RSPRY1: variants seen among roughly 807,000 people sequenced by gnomAD.
The protein encoded by RSPRY1 is RING finger and SPRY domain-containing protein 1.
Under a neutral mutation model 73.1 loss-of-function variants are expected in RSPRY1, and 23 were observed. The ratio of observed to expected loss-of-function variants is 0.31; its 90% CI spans 0.23 to 0.45. The LOEUF is 0.45. RSPRY1 is among the 20% of genes least tolerant of loss of function. The pLI, the probability that RSPRY1 is intolerant of heterozygous loss-of-function variation, is 1.00. For synonymous variants in RSPRY1, 226 were observed against 251.4 expected (o/e 0.90, Z 0.95); for missense variants, 448 against 698.7 (o/e 0.64, Z 4.05).
At chr16:57,201,087 G>A (rs1333681055) in intron 1 of RSPRY1, among the ~76,000 whole-genome samples, 2 of 152,050 alleles carry the variant, frequency 1.3e-5, no homozygotes, top group Non-Finnish European at 2.9e-5. Context: ...CAGACGGGGT[G>A]GCTGCCGGGC....
chr16:57,229,539 A>G (rs1251129611), intron 11 of RSPRY1, among the ~76,000 whole-genome samples: 1 of 151,920 alleles, frequency 6.6e-6, no homozygotes, highest in Non-Finnish European at 1.5e-5. Context: ...GGATCACTTG[A>G]GCCCAGGAGT....
rs778045152 is a variant in RSPRY1 at position 57,235,125 on chromosome 16, C to G, written c.1531C>G (p.His511Asp). The change falls in exon 14 of 15, where the codon CAC (histidine) becomes GAC (aspartate). Residue 511 changes from histidine to aspartate, a missense_variant and splice_region_variant. Coordinates refer to ENST00000394420, the MANE Select transcript of RSPRY1 (RefSeq NM_133368.3). ...TAEEKIILPR[H>D]RRLALLKQVS... ...TTTCAAATTGCTTTTTCTACTCAGG[C>G]ACAGGCGTCTTGCTCTGTTGAAGCA... 1 of 1,612,912 alleles carries G rather than the reference C, an allele frequency of 6.2e-7. No individual in the cohort carries two copies. Among genetic ancestry groups the G allele is most frequent in the Non-Finnish European group, 8.5e-7 (1 of 1,178,964 alleles).
chr16:57,196,042 T>A (rs1340881796), intron 1 of RSPRY1, among the ~76,000 whole-genome samples: 3 of 146,074 alleles, frequency 2.1e-5, no homozygotes, highest in African/African-American at 7.6e-5. Flanking sequence ...AAAATATATA[T>A]ATATATATAT....
intron 11 of RSPRY1, among the ~76,000 whole-genome samples, chr16:57,230,005 C>CTTTTTT (rs544045998): frequency 1.8e-4 from 8 of 44,946 alleles, no homozygotes; most frequent in Non-Finnish European, 2.9e-4. Flanking sequence ...ACGCCCTGCC[C>CTTTTTT]TTTTTTTTTT....
chr16:57,212,547 A>G (rs182964210), intron 4 of RSPRY1, among the ~76,000 whole-genome samples: 21 of 152,244 alleles, frequency 1.4e-4, no homozygotes, highest in African/African-American at 4.3e-4. Flanking sequence ...TTTCCCATCA[A>G]TGATATCATT....
intron 2 of RSPRY1, chr16:57,205,261 T>G (rs573523128): frequency 4.4e-6 from 2 of 458,420 alleles, no homozygotes; most frequent in East Asian, 7.9e-5. Flanking sequence ...GCTATGATCT[T>G]TATTAGAGAA....
At chr16:57,223,072 G>A (rs1302478496) in intron 10 of RSPRY1, among the ~76,000 whole-genome samples, 1 of 152,182 alleles carries the variant, frequency 6.6e-6, no homozygotes, top group East Asian at 1.9e-4. Flanking sequence ...CAAGCATTAG[G>A]TGATTCCCTA....
intron 14 of RSPRY1, 120 bp from the exon 15 acceptor site, chr16:57,238,759 G>C (rs1488129685): frequency 3.7e-6 from 2 of 543,010 alleles, no homozygotes; most frequent in South Asian, 2.9e-5. Context: ...TTTAAACCAT[G>C]TATAATTAGT....
In RSPRY1 at chr16:57,204,798, GAGATGACAGTGGAAC is replaced by G; in HGVS notation, c.152_166del (p.Gly51_Ser55del). The G allele has an allele frequency of 1.2e-6, 2 of 1,614,156 alleles. No homozygotes were observed. The highest frequency in any genetic ancestry group is 4.5e-5 in the East Asian group (2 of 44,884). ...ACCATGGGTAATTCCTGTATCTGCC[GAGATGACAGTGGAAC>G]AGATGACAGTGTTGACACCCAACAG... On this transcript the variant is annotated inframe_deletion, in exon 2 of 15. Transcript: ENST00000394420.
At chr16:57,211,342 G>A (rs2074841077) in intron 4 of RSPRY1, among the ~76,000 whole-genome samples, 1 of 151,968 alleles carries the variant, frequency 6.6e-6, no homozygotes, top group African/African-American at 2.4e-5. Flanking sequence ...GGCCAAGGCA[G>A]ACAGATCACT....
At chr16:57,218,720 CTTTTTTTTTTTTTTTTTTTT>C (rs869295634) in intron 8 of RSPRY1, among the ~76,000 whole-genome samples, 5 of 41,122 alleles carry the variant, frequency 1.2e-4, no homozygotes, top group Non-Finnish European at 2.0e-4. Flanking sequence ...GCCACATTTT[CTTTTTTTTTTTTTTTTTTTT>C]TTTTTTTTTT....
chr16:57,222,869 T>G (rs2075061186), intron 10 of RSPRY1, among the ~76,000 whole-genome samples: 1 of 152,224 alleles, frequency 6.6e-6, no homozygotes, highest in Non-Finnish European at 1.5e-5. Flanking sequence ...GGTCTGGCAC[T>G]GAATGTTACA....
intron 10 of RSPRY1, among the ~76,000 whole-genome samples, chr16:57,222,000 A>T (rs555384081): frequency 1.2e-4 from 18 of 152,330 alleles, no homozygotes; most frequent in Non-Finnish European, 2.1e-4. Flanking sequence ...TTGCCACTTT[A>T]TACCCTTCTA....
chr16:57,217,306 T>A (rs559636612), intron 8 of RSPRY1, among the ~76,000 whole-genome samples: 1 of 152,376 alleles, frequency 6.6e-6, no homozygotes, highest in African/African-American at 2.4e-5. Context: ...TATATGGCAC[T>A]GTCTAACCAG....
chr16:57,232,324 G>A (rs1192751026), intron 13 of RSPRY1, among the ~76,000 whole-genome samples: 3 of 152,296 alleles, frequency 2.0e-5, no homozygotes, highest in Admixed American at 6.5e-5. Context: ...AAAATGGGAC[G>A]ATGATGGTAG....
At chr16:57,236,200 T>C (rs1346443177) in intron 14 of RSPRY1, among the ~76,000 whole-genome samples, 1 of 152,234 alleles carries the variant, frequency 6.6e-6, no homozygotes, top group East Asian at 1.9e-4. Context: ...CTTTTTGATC[T>C]TTGTTTCTGT....
intron 3 of RSPRY1, 24 bp from the exon 4 acceptor site, chr16:57,209,051 A>G (rs2074784551): frequency 2.7e-6 from 4 of 1,458,156 alleles, no homozygotes; most frequent in Non-Finnish European, 3.8e-6. Flanking sequence ...ACTCCATCAT[A>G]TAATCTTCTT....
chr16:57,194,760 A>G (rs2074410167), intron 1 of RSPRY1, among the ~76,000 whole-genome samples: 1 of 152,204 alleles, frequency 6.6e-6, no homozygotes, highest in Non-Finnish European at 1.5e-5. Context: ...GTTCTTTCTC[A>G]CTGATCTGTA....
intron 8 of RSPRY1, chr16:57,220,278 C>A (rs1010147062): frequency 1.2e-4 from 18 of 155,154 alleles, no homozygotes; most frequent in African/African-American, 4.3e-4. Flanking sequence ...ATTGAGTCTT[C>A]CAATCCATGA....
Sources: gnomAD v4.1 joint callset for allele counts (sites outside exome capture counted in the v4.1 genomes callset) on GRCh38, gnomAD v4.1.1 for gene constraint, MANE v1.5 for transcripts, NCBI Gene and HGNC (gene_info 2026-07-23, HGNC 2026-07-21) for gene names.